TMEM272: variants seen among roughly 807,000 people sequenced by gnomAD.
TMEM272 encodes the protein transmembrane protein 272.
TMEM272 carries 8 observed loss-of-function variants against 3.7 expected under a neutral mutation model. The ratio of observed to expected loss-of-function variants is 2.17; its 90% CI spans 1.27 to 3.91. The LOEUF (loss-of-function observed/expected upper bound fraction) is 3.91. TMEM272 is among the 30% of genes most tolerant of loss of function. TMEM272 has a pLI of 0.00. For missense variants in TMEM272, 166 were observed against 91.5 expected (o/e 1.81, Z -3.32); for synonymous variants, 63 against 39.8 (o/e 1.58, Z -2.20).
At chr13:51,908,528 A>G in the TMEM272 span, 1 of 1,452,788 alleles carries the variant, frequency 6.9e-7, no homozygotes, top group Non-Finnish European at 9.7e-7. Context: ...GAAACAATGG[A>G]CCTCTGATTG....
chr13:51,844,142 C>T (rs1956284112), intron 1 of TMEM272, among the ~76,000 whole-genome samples: 1 of 146,246 alleles, frequency 6.8e-6, no homozygotes. Flanking sequence ...TTTTAGAGTT[C>T]AAATTTGTAA....
chr13:51,838,656 C>A, intron 1 of TMEM272, 103 bp from the exon 2 acceptor site: 1 of 689,882 alleles, frequency 1.4e-6, no homozygotes. Flanking sequence ...GCAGGGTGGT[C>A]TCAGTCAGCC....
At chr13:51,919,642 A>G in the TMEM272 span, among the ~76,000 whole-genome samples, 3 of 152,220 alleles carry the variant, frequency 2.0e-5, no homozygotes, top group Non-Finnish European at 2.9e-5. Flanking sequence ...TGAATGCTGC[A>G]GAGTAAATAC....
chr13:51,911,013 A>G, the TMEM272 span, among the ~76,000 whole-genome samples: 11 of 152,184 alleles, frequency 7.2e-5, no homozygotes, highest in Non-Finnish European at 1.3e-4. Context: ...TGACAGAATG[A>G]TAAGGAATAA....
chr13:51,852,740 G>A, the TMEM272 span, among the ~76,000 whole-genome samples: 7,499 of 152,130 alleles, frequency 0.049, 446 homozygotes, highest in African/African-American at 0.14. Context: ...TTAGCCGGGC[G>A]TGGTGGCGGG....
intron 1 of TMEM272, among the ~76,000 whole-genome samples, chr13:51,844,220 A>ATG (rs767864276): frequency 5.3e-5 from 8 of 152,042 alleles, no homozygotes; most frequent in Non-Finnish European, 8.8e-5. Flanking sequence ...ATGTATATAT[A>ATG]TGTGTGTATG....
At chr13:51,860,394 G>A in the TMEM272 span, among the ~76,000 whole-genome samples, 2 of 152,124 alleles carry the variant, frequency 1.3e-5, no homozygotes, top group Non-Finnish European at 1.5e-5. Flanking sequence ...AATCCCAACA[G>A]TTTGGGAAGC....
the TMEM272 span, among the ~76,000 whole-genome samples, chr13:51,877,002 A>G: frequency 6.6e-6 from 1 of 152,200 alleles, no homozygotes; most frequent in Non-Finnish European, 1.5e-5. Flanking sequence ...ATTTGGTTAG[A>G]AGGGAGACCC....
At chr13:51,927,891 C>T in the TMEM272 span, among the ~76,000 whole-genome samples, 16 of 152,186 alleles carry the variant, frequency 1.1e-4, no homozygotes, top group Non-Finnish European at 8.8e-5. Context: ...TCACAAGCCA[C>T]GGAGGCAGCA....
chr13:51,816,642 C>T lies in TMEM272; in HGVS notation c.*109G>A. On this transcript the variant is annotated 3_prime_UTR_variant, in exon 5 of 5. Coordinates refer to ENST00000629372, the MANE Select transcript of TMEM272 (RefSeq NM_001351003.2). The stretch of plus-strand genomic sequence containing the variant: ...GGGAAGGTTTTATTACCTTTATGCC[C>T]TTCTCTGAACCTGTGTGTGTGTGTG... The T allele has an allele frequency of 1.7e-6, 1 of 600,050 alleles. No individual in the cohort carries two copies. The allele number at this position is 600,050 out of a possible 1,614,324, so 37.2% of individuals were successfully genotyped here.
rs1391072383 is a variant in TMEM272, at chr13:51,826,585, C to T, written c.99G>A (p.Pro33=). 1.0e-5 allele frequency: 7 copies of T among 702,440 alleles called. No individual in the cohort carries two copies. Among genetic ancestry groups the T allele is most frequent in the African/African-American group, 1.7e-5 (1 of 57,254 alleles). 43.5% of individuals were successfully genotyped at this position (702,440 alleles called of 1,614,324 possible). The part of the protein sequence containing the change: ...VVVLCAFLAL[P]LSMTFIGMKF... ...GCTTACCTATGAAGGTCATGGACAG[C>T]GGCAGAGCCAGGAAAGCACAGAGCA... is the stretch of plus-strand genomic sequence containing the variant. The change falls in exon 3 of 5, where the codon CCG becomes CCA. Residue 33 remains proline (P), a synonymous_variant. Coordinates refer to ENST00000629372, the MANE Select transcript of TMEM272 (RefSeq NM_001351003.2).
chr13:51,866,493 T>A, the TMEM272 span, among the ~76,000 whole-genome samples: 2 of 152,064 alleles, frequency 1.3e-5, no homozygotes, highest in Non-Finnish European at 2.9e-5. Context: ...GGAGGTCACT[T>A]CTCCTTCACT....
chr13:51,844,001 T>C (rs940763936), intron 1 of TMEM272, among the ~76,000 whole-genome samples: 4 of 152,190 alleles, frequency 2.6e-5, no homozygotes, highest in Non-Finnish European at 5.9e-5. Flanking sequence ...AGCAGGGCTG[T>C]CGATAAAGAG....
At chr13:51,917,568 G>A in the TMEM272 span, among the ~76,000 whole-genome samples, 3 of 152,136 alleles carry the variant, frequency 2.0e-5, no homozygotes, top group Non-Finnish European at 4.4e-5. Context: ...AAACCCACAC[G>A]CTACTGAGGA....
At chr13:51,838,065 A>G (rs1182764595) in intron 2 of TMEM272, among the ~76,000 whole-genome samples, 1 of 152,200 alleles carries the variant, frequency 6.6e-6, no homozygotes, top group Non-Finnish European at 1.5e-5. Context: ...GGACCCCAGC[A>G]GGTGATAGTG....
At chr13:51,874,384 C>T in the TMEM272 span, among the ~76,000 whole-genome samples, 1 of 152,134 alleles carries the variant, frequency 6.6e-6, no homozygotes, top group Non-Finnish European at 1.5e-5. Flanking sequence ...TAGAGAGTAA[C>T]TGTCTTGCTT....
the TMEM272 span, among the ~76,000 whole-genome samples, chr13:51,916,120 G>A: frequency 9.2e-5 from 14 of 152,310 alleles, no homozygotes; most frequent in African/African-American, 2.9e-4. Flanking sequence ...GAACGTGTAT[G>A]TGCTGGAGGG....
chr13:51,818,547 C>T (rs559076350), intron 4 of TMEM272, among the ~76,000 whole-genome samples: 72 of 152,272 alleles, frequency 4.7e-4, no homozygotes, highest in African/African-American at 1.6e-3. Flanking sequence ...GACCCTGGTG[C>T]TGGGCAAAGC....
the TMEM272 span, among the ~76,000 whole-genome samples, chr13:51,903,387 C>T: frequency 2.7e-4 from 41 of 152,274 alleles, no homozygotes; most frequent in African/African-American, 9.9e-4. Context: ...TAACTCATTC[C>T]TAAGCATGCT....
Sources: gnomAD v4.1 joint callset for allele counts (sites outside exome capture counted in the v4.1 genomes callset) on GRCh38, gnomAD v4.1.1 for gene constraint, MANE v1.5 for transcripts, NCBI Gene and HGNC (gene_info 2026-07-23, HGNC 2026-07-21) for gene names.